The following TAMM41 variants were observed in gnomAD, a reference collection of about 807,000 sequenced individuals.
The protein encoded by TAMM41 is TAM41 mitochondrial translocator assembly and maintenance homolog.
In TAMM41, 36 loss-of-function variants were observed where a neutral mutation model predicts 44.1. The ratio of observed to expected loss-of-function variants is 0.82; its 90% CI spans 0.63 to 1.08. The LOEUF (loss-of-function observed/expected upper bound fraction) is 1.08. Ranked by LOEUF, TAMM41 falls within the 50% of genes least tolerant of loss-of-function variation. TAMM41 has a pLI of 0.00. For missense variants in TAMM41, 417 were observed against 404.3 expected, an observed-to-expected ratio of 1.03 and a Z score of -0.27; for synonymous variants, 164 against 153.1, an observed-to-expected ratio of 1.07 and a Z score of -0.53.
the TAMM41 span, among the ~76,000 whole-genome samples, chr3:11,733,264 G>A: frequency 1.3e-5 from 2 of 152,014 alleles, no homozygotes; most frequent in Non-Finnish European, 2.9e-5. Flanking sequence ...CTCCCAAAGT[G>A]CTGGGATTAC....
At chr3:11,773,433 T>C in the TAMM41 span, among the ~76,000 whole-genome samples, 1 of 152,052 alleles carries the variant, frequency 6.6e-6, no homozygotes, top group Admixed American at 6.6e-5. Context: ...TTTGGCCAGG[T>C]TGGTCTTGAA....
intron 7 of TAMM41, among the ~76,000 whole-genome samples, chr3:11,795,005 GTTC>G (rs1172678926): frequency 2.6e-5 from 4 of 152,178 alleles, no homozygotes; most frequent in African/African-American, 4.8e-5. Context: ...GAGCACCAGT[GTTC>G]TTCTAATTTA....
At chr3:11,728,932 C>T in the TAMM41 span, among the ~76,000 whole-genome samples, 72,213 of 150,672 alleles carry the variant, frequency 0.48, 17,716 homozygotes, top group East Asian at 0.67. Flanking sequence ...CGCTTGAACC[C>T]GGGAGGCGAA....
At chr3:11,736,374 G>T in the TAMM41 span, among the ~76,000 whole-genome samples, 1 of 152,216 alleles carries the variant, frequency 6.6e-6, no homozygotes, top group Non-Finnish European at 1.5e-5. Flanking sequence ...GGATGGGAAT[G>T]TAACAGTGCT....
At chr3:11,775,103 G>T in the TAMM41 span, among the ~76,000 whole-genome samples, 1 of 151,914 alleles carries the variant, frequency 6.6e-6, no homozygotes, top group Non-Finnish European at 1.5e-5. Context: ...TCCTGACCTC[G>T]TGATCCACCC....
At position 11,832,164 on chromosome 3, in the gene TAMM41, A is replaced by G. The variant is rs977109062; in HGVS notation, c.412-2300T>C. ...TAAAACAAATTTTAAGGTCCTATAA[A>G]AACACCTATGCTTATTCCTTGAATA... is the stretch of plus-strand genomic sequence containing the variant. On this transcript the variant is annotated intron_variant, in intron 3 of 7. Transcript: ENST00000455809. 2.0e-5 allele frequency among the ~76,000 whole-genome samples: 3 copies of G among 152,318 alleles called. 1 individual carries two copies. Among genetic ancestry groups the G allele is most frequent in the South Asian group, 4.1e-4 (2 of 4,822 alleles).
the TAMM41 span, among the ~76,000 whole-genome samples, chr3:11,748,257 A>C: frequency 7.1e-6 from 1 of 140,042 alleles, no homozygotes; most frequent in South Asian, 2.4e-4. Context: ...TAATATTAAT[A>C]TTTTCTGTAC....
chr3:11,823,829 CT>C (rs35092715), intron 4 of TAMM41, among the ~76,000 whole-genome samples: 112 of 117,898 alleles, frequency 9.5e-4, no homozygotes, highest in Admixed American at 2.2e-3. Flanking sequence ...CCATGCCCGG[CT>C]TTTTTTTTTT....
intron 4 of TAMM41, among the ~76,000 whole-genome samples, chr3:11,828,065 C>T (rs2078830519): frequency 6.6e-6 from 1 of 152,192 alleles, no homozygotes; most frequent in Non-Finnish European, 1.5e-5. Context: ...TTGGCATATT[C>T]TCAGGGCTTC....
At chr3:11,752,625 CTTTTTTTTTTTT>C in the TAMM41 span, among the ~76,000 whole-genome samples, 12 of 39,954 alleles carry the variant, frequency 3.0e-4, no homozygotes, top group Admixed American at 6.5e-4. Flanking sequence ...TCTTACAAAG[CTTTTTTTTTTTT>C]TTTTTTTTTT....
At chr3:11,759,447 C>T in the TAMM41 span, among the ~76,000 whole-genome samples, 1 of 151,910 alleles carries the variant, frequency 6.6e-6, no homozygotes, top group African/African-American at 2.4e-5. Flanking sequence ...GGCTCAAGCT[C>T]CTACCCCAGC....
At chr3:11,818,886 A>G (rs2078395034) in intron 4 of TAMM41, among the ~76,000 whole-genome samples, 4 of 146,254 alleles carry the variant, frequency 2.7e-5, no homozygotes, top group Admixed American at 2.7e-4. Context: ...TGATGAAGCA[A>G]GACTCCATCT....
the TAMM41 span, among the ~76,000 whole-genome samples, chr3:11,773,560 A>C: frequency 3.7e-4 from 57 of 152,236 alleles, no homozygotes; most frequent in African/African-American, 1.3e-3. Context: ...ATCAAGTACT[A>C]GCAGAACATC....
chr3:11,769,291 T>G, the TAMM41 span, among the ~76,000 whole-genome samples: 1 of 152,118 alleles, frequency 6.6e-6, no homozygotes, highest in Non-Finnish European at 1.5e-5. Flanking sequence ...GGTTTCACCA[T>G]GTTGGCCAGA....
intron 2 of TAMM41, among the ~76,000 whole-genome samples, chr3:11,839,888 A>G (rs2079357960): frequency 6.6e-6 from 1 of 152,156 alleles, no homozygotes; most frequent in Admixed American, 6.5e-5. Context: ...TGAGTTCTCC[A>G]ATTAATCCTA....
the TAMM41 span, among the ~76,000 whole-genome samples, chr3:11,784,796 C>CTTTTTTTTT: frequency 1.4e-4 from 15 of 108,986 alleles, no homozygotes; most frequent in Non-Finnish European, 2.0e-4. Context: ...CTTTTCTTTT[C>CTTTTTTTTT]TTTTTTTTTT....
At chr3:11,814,884 A>C (rs1559288547) in intron 5 of TAMM41, among the ~76,000 whole-genome samples, 1 of 152,132 alleles carries the variant, frequency 6.6e-6, no homozygotes, top group Admixed American at 6.5e-5. Flanking sequence ...GAGTCACTTG[A>C]GCTTGGGAGT....
At chr3:11,748,772 T>A in the TAMM41 span, among the ~76,000 whole-genome samples, 1 of 152,158 alleles carries the variant, frequency 6.6e-6, no homozygotes, top group Non-Finnish European at 1.5e-5. Context: ...CTGTAGGCGC[T>A]ATCAGAGGGG....
intron 7 of TAMM41, among the ~76,000 whole-genome samples, chr3:11,796,416 AC>A (rs1269367114): frequency 6.6e-6 from 1 of 152,106 alleles, no homozygotes; most frequent in African/African-American, 2.4e-5. Flanking sequence ...ATAATTCAGA[AC>A]CCCAAAACCC....
Sources: allele counts gnomAD v4.1 joint callset (sites outside exome capture counted in the v4.1 genomes callset), GRCh38; gene constraint gnomAD v4.1.1; transcripts MANE v1.5; gene names NCBI Gene and HGNC (gene_info 2026-07-23, HGNC 2026-07-21).